The following PRKN variants were observed in gnomAD, a reference collection of about 807,000 sequenced individuals.
The protein encoded by PRKN is parkin RBR E3 ubiquitin protein ligase.
PRKN carries 56 observed loss-of-function variants against 59.5 expected under a neutral mutation model. The observed-to-expected ratio is 0.94, with a 90% CI of 0.76 to 1.18. The LOEUF is 1.18. Ranked by LOEUF, PRKN falls within the 50% of genes most tolerant of loss-of-function variation. The pLI, the probability that PRKN is intolerant of heterozygous loss-of-function variation, is 0.00. For synonymous variants in PRKN, 250 were observed against 222.1 expected, an observed-to-expected ratio of 1.13 and a Z score of -1.12; for missense variants, 657 against 596.4, an observed-to-expected ratio of 1.10 and a Z score of -1.06.
intron 4 of PRKN, among the ~76,000 whole-genome samples, chr6:162,130,634 G>T (rs555949409): frequency 6.6e-6 from 1 of 152,212 alleles, no homozygotes; most frequent in East Asian, 1.9e-4. Context: ...AGTAGCAGTA[G>T]GAAATCAATG....
At chr6:162,287,447 G>C (rs928134649) in intron 2 of PRKN, among the ~76,000 whole-genome samples, 21 of 151,978 alleles carry the variant, frequency 1.4e-4, no homozygotes, top group African/African-American at 5.1e-4. Flanking sequence ...ACATGCCTGT[G>C]GCCCCAGATA....
At chr6:161,508,451 G>A (rs1478610482) in intron 9 of PRKN, among the ~76,000 whole-genome samples, 1 of 152,090 alleles carries the variant, frequency 6.6e-6, no homozygotes, top group Non-Finnish European at 1.5e-5. Flanking sequence ...TTTAACCTCG[G>A]AAACGCTTTT....
chr6:162,021,156 A>G (rs1246862204), intron 5 of PRKN, among the ~76,000 whole-genome samples: 1 of 19,962 alleles, frequency 5.0e-5, no homozygotes, highest in Non-Finnish European at 1.0e-4. Flanking sequence ...ATATATATAT[A>G]TATATATATA....
chr6:162,298,763 T>G (rs1233766512), intron 2 of PRKN, among the ~76,000 whole-genome samples: 1 of 152,010 alleles, frequency 6.6e-6, no homozygotes, highest in Non-Finnish European at 1.5e-5. Context: ...AGCTGTTTCT[T>G]GACCCTGTGC....
intron 1 of PRKN, among the ~76,000 whole-genome samples, chr6:162,671,497 CAAAA>C (rs5881490): frequency 2.7e-5 from 3 of 111,658 alleles, no homozygotes; most frequent in African/African-American, 3.3e-5. Flanking sequence ...GACTCTGTCT[CAAAA>C]AAAAAAAAAA....
At chr6:161,882,822 G>A (rs1794988665) in intron 6 of PRKN, among the ~76,000 whole-genome samples, 1 of 151,848 alleles carries the variant, frequency 6.6e-6, no homozygotes, top group Non-Finnish European at 1.5e-5. Flanking sequence ...TGGCCAACAT[G>A]GTAAAACCCC....
At chr6:161,383,201 AG>A (rs1786071970) in intron 10 of PRKN, among the ~76,000 whole-genome samples, 1 of 152,202 alleles carries the variant, frequency 6.6e-6, no homozygotes, top group Non-Finnish European at 1.5e-5. Flanking sequence ...AGAGAAATGT[AG>A]GGAACAGAAA....
intron 7 of PRKN, among the ~76,000 whole-genome samples, chr6:161,570,762 C>T (rs561347673): frequency 6.6e-6 from 1 of 152,248 alleles, no homozygotes; most frequent in South Asian, 2.1e-4. Context: ...TTGGGTGAGT[C>T]AAAAGTTCCA....
intron 1 of PRKN, among the ~76,000 whole-genome samples, chr6:162,533,642 T>A (rs7767254): frequency 6.6e-6 from 1 of 152,088 alleles, no homozygotes; most frequent in South Asian, 2.1e-4. Context: ...CTCAGTGATC[T>A]TGCCCAAAAT....
chr6:162,131,635 C>T (rs1017115486), intron 4 of PRKN, among the ~76,000 whole-genome samples: 2 of 152,030 alleles, frequency 1.3e-5, no homozygotes, highest in African/African-American at 2.4e-5. Flanking sequence ...TTCTTGGTAC[C>T]TGGAGGAGAA....
At chr6:162,623,450 C>T (rs371426829) in intron 1 of PRKN, among the ~76,000 whole-genome samples, 10 of 152,208 alleles carry the variant, frequency 6.6e-5, no homozygotes, top group East Asian at 1.9e-4. Context: ...AATAATATTT[C>T]GTTTTATTTC....
intron 7 of PRKN, among the ~76,000 whole-genome samples, chr6:161,639,667 C>T (rs993715905): frequency 2.0e-5 from 3 of 152,176 alleles, no homozygotes; most frequent in Admixed American, 2.0e-4. Flanking sequence ...CAGGTGTCTG[C>T]CCTGCACAGG....
chr6:162,242,893 T>C (rs1779041696), intron 3 of PRKN, among the ~76,000 whole-genome samples: 4 of 152,232 alleles, frequency 2.6e-5, no homozygotes, highest in South Asian at 4.1e-4. Flanking sequence ...TCTGGAATTA[T>C]ATTCAACACT....
chr6:162,704,386 C>G (rs969185560), intron 1 of PRKN, among the ~76,000 whole-genome samples: 1 of 152,122 alleles, frequency 6.6e-6, no homozygotes, highest in Admixed American at 6.5e-5. Flanking sequence ...GATTGAGCAC[C>G]AGGGATGAAA....
intron 7 of PRKN, among the ~76,000 whole-genome samples, chr6:161,721,623 T>A (rs978880315): frequency 4.6e-5 from 7 of 152,218 alleles, no homozygotes; most frequent in Non-Finnish European, 1.0e-4. Flanking sequence ...TAAATGGATT[T>A]TATGGACGCA....
intron 2 of PRKN, among the ~76,000 whole-genome samples, chr6:162,279,300 T>C (rs1402270478): frequency 6.7e-6 from 1 of 149,476 alleles, no homozygotes; most frequent in Non-Finnish European, 1.5e-5. Context: ...ATTGCACCAT[T>C]GCACTCCATC....
At position 162,272,330 on chromosome 6, in the gene PRKN, T is replaced by A. The variant is rs150946838; in HGVS notation, c.172-9565A>T. ...AAAATTGTGTTTTATATTGTCAACATTGCAAGAAATGCCTCAAGTATCACT... is the reference window on the plus strand; with the variant it reads ...AAAATTGTGTTTTATATTGTCAACAATGCAAGAAATGCCTCAAGTATCACT... On this transcript the variant is annotated intron_variant, in intron 2 of 11. Coordinates refer to ENST00000366898, the MANE Select transcript of PRKN (RefSeq NM_004562.3). Among the ~76,000 whole-genome samples the A allele has an allele frequency of 8.2e-3, 1,255 of 152,310 alleles. 8 individuals are homozygous for A. Among genetic ancestry groups the A allele is most frequent in the Middle Eastern group, 0.034 (10 of 294 alleles).
intron 4 of PRKN, among the ~76,000 whole-genome samples, chr6:162,102,606 C>G (rs911052417): frequency 3.7e-4 from 56 of 152,184 alleles, no homozygotes; most frequent in African/African-American, 1.3e-3. Flanking sequence ...GAAAAACATA[C>G]GCAGGTATTT....
chr6:162,548,987 T>C (rs374782184), intron 1 of PRKN, among the ~76,000 whole-genome samples: 152 of 151,754 alleles, frequency 1.0e-3, no homozygotes, highest in African/African-American at 3.6e-3. Flanking sequence ...ATCATATCGT[T>C]CCATCTGAGG....
Sources: allele counts gnomAD v4.1 joint callset (sites outside exome capture counted in the v4.1 genomes callset), GRCh38; gene constraint gnomAD v4.1.1; transcripts MANE v1.5; gene names NCBI Gene and HGNC (gene_info 2026-07-23, HGNC 2026-07-21).